ATP9A: variants seen among roughly 807,000 people sequenced by gnomAD.
ATP9A encodes the protein ATPase phospholipid transporting 9A.
Under a neutral mutation model 144.1 loss-of-function variants are expected in ATP9A, and 52 were observed. The observed-to-expected ratio is 0.36, with a 90% CI of 0.29 to 0.45. The LOEUF (loss-of-function observed/expected upper bound fraction) is 0.45. Ranked by LOEUF, ATP9A falls within the 20% of genes least tolerant of loss-of-function variation. The probability of loss-of-function intolerance (pLI) is 1.00; values close to 1 mark genes in which losing one functional copy is unlikely to be tolerated. For missense variants in ATP9A, 947 were observed against 1,392.7 expected (o/e 0.68, Z 5.09); for synonymous variants, 582 against 557.4 (o/e 1.04, Z -0.62).
At position 51,764,557 on chromosome 20, in the gene ATP9A, G is replaced by A. The variant is rs112951395; in HGVS notation, c.68+3745C>T. On this transcript the variant is annotated intron_variant, in intron 1 of 27. Transcript: ENST00000338821. Reference sequence around the variant, plus strand: ...TCTGTCCCCTATGACATGTGGCATCGTTTTTGGTTTTTTTAACCACAAATC... The same window carrying A: ...TCTGTCCCCTATGACATGTGGCATCATTTTTGGTTTTTTTAACCACAAATC... Among the ~76,000 whole-genome samples, 358 of 152,246 alleles carry A rather than the reference G, an allele frequency of 2.4e-3. 3 individuals are homozygous for A. Among genetic ancestry groups the A allele is most frequent in the South Asian group, 5.4e-3 (26 of 4,816 alleles).
At chr20:51,693,933 G>A (rs2077559116) in intron 7 of ATP9A, 75 bp downstream of exon 7, 2 of 1,229,464 alleles carry the variant, frequency 1.6e-6, no homozygotes, top group Non-Finnish European at 2.2e-6. Flanking sequence ...CCCATGCCTG[G>A]CCCCCCAGGT....
At chr20:51,730,642 C>G (rs1352416663) in intron 1 of ATP9A, among the ~76,000 whole-genome samples, 1 of 152,200 alleles carries the variant, frequency 6.6e-6, no homozygotes, top group African/African-American at 2.4e-5. Context: ...CTGCTATGCA[C>G]TAGGCTGAAT....
chr20:51,714,199 T>C (rs1189736481), intron 3 of ATP9A, among the ~76,000 whole-genome samples: 1 of 151,278 alleles, frequency 6.6e-6, no homozygotes, highest in Non-Finnish European at 1.5e-5. Flanking sequence ...TTTGTTTGTT[T>C]TGAGATAGGG....
At chr20:51,733,685 T>A (rs201578713) in intron 1 of ATP9A, among the ~76,000 whole-genome samples, 1 of 138,998 alleles carries the variant, frequency 7.2e-6, no homozygotes, top group Admixed American at 7.1e-5. Flanking sequence ...TTTTTTTTAA[T>A]TTTTTTTTAA....
intron 6 of ATP9A, among the ~76,000 whole-genome samples, chr20:51,695,281 G>A (rs1011642142): frequency 1.3e-5 from 2 of 151,888 alleles, no homozygotes; most frequent in Non-Finnish European, 1.5e-5. Context: ...TCAGGAGTTC[G>A]AGACCAGCCT....
intron 15 of ATP9A, among the ~76,000 whole-genome samples, chr20:51,632,877 C>T (rs1385762547): frequency 6.6e-6 from 1 of 152,172 alleles, no homozygotes; most frequent in Non-Finnish European, 1.5e-5. Flanking sequence ...AATTCCAGCA[C>T]TTTGGGGGGC....
intron 15 of ATP9A, among the ~76,000 whole-genome samples, chr20:51,635,854 AAGG>A (rs2077289853): frequency 1.1e-5 from 1 of 93,720 alleles, no homozygotes; most frequent in Non-Finnish European, 2.2e-5. Context: ...AAAAGGAAGG[AAGG>A]AGGAAGGGAG....
Position 51,720,497 on chromosome 20 carries a change from G to C in ATP9A, c.327+5322C>G, listed in dbSNP as rs116928993. 3.9e-4 allele frequency among the ~76,000 whole-genome samples: 59 copies of C among 152,250 alleles called. 1 individual carries two copies. The East Asian group carries it at 9.7e-3, about 25-fold the overall frequency. The stretch of plus-strand genomic sequence containing the variant: ...CTTCTCATTCTCCCAGGGCTTTACT[G>C]CATCAGCCCAGCTCTAGGGCATCTC... On this transcript the variant is annotated intron_variant, in intron 3 of 27. Coordinates refer to ENST00000338821, the MANE Select transcript of ATP9A (RefSeq NM_006045.3).
At chr20:51,698,737 A>T (rs1378867096) in intron 4 of ATP9A, among the ~76,000 whole-genome samples, 1 of 152,202 alleles carries the variant, frequency 6.6e-6, no homozygotes, top group Admixed American at 6.5e-5. Context: ...AACAGACGAA[A>T]GGCACCCTGA....
At chr20:51,718,162 G>C (rs1239780805) in intron 3 of ATP9A, among the ~76,000 whole-genome samples, 1 of 152,126 alleles carries the variant, frequency 6.6e-6, no homozygotes, top group Non-Finnish European at 1.5e-5. Flanking sequence ...GGGAGACGGA[G>C]AGACACATGG....
rs139044507 is a variant in ATP9A, at chr20:51,630,600, G to T, written c.1669-1528C>A. ...GCCTGTAATCCCAGCTACTCAGGAG[G>T]CAAGGCTGGAGAATCACTTAAACCT... is the stretch of plus-strand genomic sequence containing the variant. On this transcript the variant is annotated intron_variant, in intron 15 of 27. Transcript: ENST00000338821. Among the ~76,000 whole-genome samples, 1,009 of 152,152 alleles carry T rather than the reference G, an allele frequency of 6.6e-3. 5 individuals are homozygous for T. The highest frequency in any genetic ancestry group is 0.014 in the Middle Eastern group (4 of 294).
intron 3 of ATP9A, among the ~76,000 whole-genome samples, chr20:51,723,796 C>T (rs574592817): frequency 6.6e-6 from 1 of 151,976 alleles, no homozygotes; most frequent in Non-Finnish European, 1.5e-5. Context: ...ACCTCTTGAT[C>T]CGCCCATCTC....
chr20:51,730,265 G>A (rs543665713), intron 1 of ATP9A, among the ~76,000 whole-genome samples: 12 of 152,186 alleles, frequency 7.9e-5, no homozygotes, highest in South Asian at 2.1e-4. Flanking sequence ...TCAAGAGATC[G>A]AGACCATCCT....
intron 1 of ATP9A, among the ~76,000 whole-genome samples, chr20:51,762,786 C>T (rs959739639): frequency 2.8e-5 from 4 of 141,692 alleles, no homozygotes; most frequent in Admixed American, 7.4e-5. Flanking sequence ...CAGGGTTTAC[C>T]GCCACCTACG....
In ATP9A at chr20:51,608,461, AGGAAG is replaced by A; in HGVS notation, c.2745+52_2745+56del. 3.6e-6 allele frequency: 4 copies of A among 1,109,550 alleles called. No individual in the cohort carries two copies. In the South Asian group the frequency reaches 5.0e-5, roughly 14 times the overall value. 68.7% of individuals were successfully genotyped at this position (1,109,550 alleles called of 1,614,324 possible). On this transcript the variant is annotated intron_variant, in intron 25 of 27. Coordinates refer to ENST00000338821, the MANE Select transcript of ATP9A (RefSeq NM_006045.3). ...AAGAAAAAAAGCAGGGAGGGAGGGA[AGGAAG>A]GGAAAAGCAAAGGAGGAAAGGAGGA... is the stretch of plus-strand genomic sequence containing the variant.
At chr20:51,615,906 G>A (rs1402578721) in intron 22 of ATP9A, among the ~76,000 whole-genome samples, 1 of 152,280 alleles carries the variant, frequency 6.6e-6, no homozygotes, top group Admixed American at 6.5e-5. Flanking sequence ...AATGTGCTGG[G>A]AATACAGGTG....
chr20:51,686,658 G>C (rs1315314173), intron 9 of ATP9A, among the ~76,000 whole-genome samples: 1 of 152,176 alleles, frequency 6.6e-6, no homozygotes, highest in African/African-American at 2.4e-5. Context: ...CAGTAGGCTG[G>C]GTGCGGTGGC....
intron 1 of ATP9A, among the ~76,000 whole-genome samples, chr20:51,757,623 G>A (rs1179078648): frequency 1.3e-5 from 2 of 152,058 alleles, no homozygotes; most frequent in Non-Finnish European, 2.9e-5. Context: ...ATAAAAGCAG[G>A]GCCAGGCACA....
chr20:51,745,757 C>T (rs1186967405), intron 1 of ATP9A, among the ~76,000 whole-genome samples: 7 of 152,112 alleles, frequency 4.6e-5, no homozygotes, highest in Admixed American at 6.6e-5. Context: ...CTATACTGCA[C>T]CATCATCCAG....
Sources: gnomAD v4.1 joint callset for allele counts (sites outside exome capture counted in the v4.1 genomes callset) on GRCh38, gnomAD v4.1.1 for gene constraint, MANE v1.5 for transcripts, NCBI Gene and HGNC (gene_info 2026-07-23, HGNC 2026-07-21) for gene names.